Variants in MBD5 observed in about 807,000 individuals in gnomAD.
MBD5 encodes methyl-CpG-binding domain protein 5.
A neutral mutation model predicts 117.3 loss-of-function variants in MBD5; 13 were observed. That is an observed-to-expected ratio of 0.11 (90% confidence interval 0.07 to 0.18). MBD5 has a LOEUF of 0.18. Ranked by LOEUF, MBD5 falls within the 10% of genes least tolerant of loss-of-function variation. The pLI, the probability that MBD5 is intolerant of heterozygous loss-of-function variation, is 1.00. For missense variants in MBD5, 1,879 were observed against 2,093.8 expected, an observed-to-expected ratio of 0.90 and a Z score of 2.00; for synonymous variants, 727 against 766.4, an observed-to-expected ratio of 0.95 and a Z score of 0.85.
chr2:148,355,223 G>T (rs10196090), intron 4 of MBD5, among the ~76,000 whole-genome samples: 109,920 of 151,564 alleles, frequency 0.73, 40,639 homozygotes, highest in African/African-American at 0.89. Context: ...TTCTGTAGGT[G>T]GTCTGTTCAT....
chr2:148,458,643 A>T lies in MBD5; in HGVS notation c.-116A>T. The T allele has an allele frequency of 7.1e-6, 6 of 848,814 alleles. No homozygotes were observed. Among genetic ancestry groups the T allele is most frequent in the South Asian group, 4.2e-5 (3 of 71,996 alleles). The allele number at this position is 848,814 out of a possible 1,614,324, so 52.6% of individuals were successfully genotyped here. On this transcript the variant is annotated 5_prime_UTR_variant, in exon 5 of 14. Transcript: ENST00000642680. The stretch of plus-strand genomic sequence containing the variant: ...GCTGAAGCTTCCCAATGCGTTTTGT[A>T]CAGTCTGGGAAAAACTGTGCTGCAC...
intron 1 of MBD5, among the ~76,000 whole-genome samples, chr2:148,083,350 AG>A (rs1224988783): frequency 6.6e-6 from 1 of 152,196 alleles, no homozygotes; most frequent in African/African-American, 2.4e-5. Context: ...TTTTTGCGAA[AG>A]GATTGATTAC....
rs1446479503 is a variant in MBD5, at chr2:148,470,327, T to C, written c.2384T>C (p.Met795Thr). 1.2e-6 allele frequency: 2 copies of C among 1,613,974 alleles called. No homozygotes were observed. Among genetic ancestry groups the C allele is most frequent in the Non-Finnish European group, 1.7e-6 (2 of 1,179,908 alleles). The change falls in exon 8 of 14, where the codon ATG becomes ACG. Residue 795 changes from methionine to threonine, a missense_variant. By Grantham distance (81) the Met-to-Thr change is moderately conservative. This residue lies in a region of MBD5 where 1,666 missense variants were observed against 1,792.2 expected (regional missense o/e 0.93). Coordinates refer to ENST00000642680, the MANE Select transcript of MBD5 (RefSeq NM_001378120.1). ...ATTCAGGCTAGCGGGAACTGTGGGA[T>C]GCTCAGTCAGTCGGGCATGGCTTTA... is the stretch of plus-strand genomic sequence containing the variant. ...NQIQASGNCGMLSQSGMALGN... is the reference protein window; with the variant it reads ...NQIQASGNCGTLSQSGMALGN...
chr2:148,504,764 C>G (rs145253822), intron 12 of MBD5, among the ~76,000 whole-genome samples: 1 of 152,046 alleles, frequency 6.6e-6, no homozygotes, highest in Non-Finnish European at 1.5e-5. Context: ...GAAACAAAGA[C>G]GAAGATGGGG....
chr2:148,358,593 A>G (rs1432188912), intron 4 of MBD5, among the ~76,000 whole-genome samples: 1 of 149,088 alleles, frequency 6.7e-6, no homozygotes, highest in East Asian at 2.0e-4. Flanking sequence ...AGCCTGGGCA[A>G]CAGGTGAAAC....
intron 11 of MBD5, among the ~76,000 whole-genome samples, chr2:148,493,403 A>C (rs1681590555): frequency 6.6e-6 from 1 of 152,220 alleles, no homozygotes; most frequent in Admixed American, 6.5e-5. Flanking sequence ...CATATCATTT[A>C]TTATTTTCAG....
At chr2:148,289,324 T>C (rs1264406407) in intron 3 of MBD5, among the ~76,000 whole-genome samples, 1 of 152,200 alleles carries the variant, frequency 6.6e-6, no homozygotes, top group Admixed American at 6.5e-5. Flanking sequence ...TCTTTCAATA[T>C]AGGTTATGAG....
chr2:148,215,613 C>T (rs1699532979), intron 2 of MBD5, among the ~76,000 whole-genome samples: 2 of 151,950 alleles, frequency 1.3e-5, no homozygotes, highest in Non-Finnish European at 2.9e-5. Flanking sequence ...CCTGGAACTC[C>T]AGGCCTCAGG....
At chr2:148,213,621 T>C (rs1470947801) in intron 2 of MBD5, among the ~76,000 whole-genome samples, 2 of 152,210 alleles carry the variant, frequency 1.3e-5, no homozygotes, top group East Asian at 3.8e-4. Flanking sequence ...TTTTTATATT[T>C]TATTCTTTCT....
chr2:148,202,416 G>A (rs552068269), intron 2 of MBD5, among the ~76,000 whole-genome samples: 1 of 152,216 alleles, frequency 6.6e-6, no homozygotes, highest in Non-Finnish European at 1.5e-5. Context: ...GAATGGAACA[G>A]CAAATGTAAA....
rs114611333 is a variant in MBD5 at position 148,469,539 on chromosome 2, A to G, written c.1596A>G (p.Val532=). Residue 532 remains valine (V), a synonymous_variant, in exon 8 of 14, where the codon GTA becomes GTG. Coordinates refer to ENST00000642680, the MANE Select transcript of MBD5 (RefSeq NM_001378120.1). The part of the protein sequence containing the change: ...PNPLIAGISN[V]LNTPSSAAFP... ...CATTAATTGCTGGAATAAGTAATGT[A>G]CTAAATACCCCAAGCAGTGCAGCTT... is the stretch of plus-strand genomic sequence containing the variant. 9.9e-4 allele frequency: 1,605 copies of G among 1,613,816 alleles called. 11 individuals carry two copies. The African/African-American group carries it at 0.019, about 19-fold the overall frequency.
At chr2:148,239,550 T>A (rs1200720576) in intron 3 of MBD5, among the ~76,000 whole-genome samples, 1 of 152,194 alleles carries the variant, frequency 6.6e-6, no homozygotes, top group East Asian at 1.9e-4. Context: ...CCTTTTATTA[T>A]TATGGGTAAG....
chr2:148,288,403 A>AAAAAAAAAAAAAAAAAAAG (rs1559006614), intron 3 of MBD5, among the ~76,000 whole-genome samples: 1 of 139,502 alleles, frequency 7.2e-6, no homozygotes, highest in Non-Finnish European at 1.6e-5. Context: ...CCGTCTCAAA[A>AAAAAAAAAAAAAAAAAAAG]AAAAAAAAAA....
rs145999220 is a variant in MBD5, at chr2:148,314,605, T to C, written c.-679-27609T>C. ...TTTGGCCAGGCTGGTCTCTAACTCC[T>C]GGCCTCAGGTGATCCACCCTCCTCG... On this transcript the variant is annotated intron_variant, in intron 3 of 13. Transcript: ENST00000642680. 9.2e-4 allele frequency among the ~76,000 whole-genome samples: 140 copies of C among 152,200 alleles called. 1 individual carries two copies. Among genetic ancestry groups the C allele is most frequent in the African/African-American group, 3.2e-3 (132 of 41,526 alleles).
chr2:148,182,874 GCCATGTAATGGGCAC>G (rs1698561589), intron 2 of MBD5, among the ~76,000 whole-genome samples: 3 of 152,128 alleles, frequency 2.0e-5, no homozygotes, highest in African/African-American at 7.2e-5. Flanking sequence ...ATTCAACTGA[GCCATGTAATGGGCAC>G]CCCGCTTTTG....
At chr2:148,091,788 A>G (rs185514221) in intron 1 of MBD5, among the ~76,000 whole-genome samples, 1 of 152,312 alleles carries the variant, frequency 6.6e-6, no homozygotes, top group African/African-American at 2.4e-5. Context: ...CAAATGCAAC[A>G]AAAACAAAAA....
At position 148,384,997 on chromosome 2, in the gene MBD5, A is replaced by T. The variant is rs528184357; in HGVS notation, c.-557+42661A>T. Among the ~76,000 whole-genome samples the T allele has an allele frequency of 1.4e-4, 21 of 152,334 alleles. 1 individual carries two copies. The South Asian group carries it at 3.7e-3, about 27-fold the overall frequency. ...TAAAGGCTTACATGTTAGACCTAAA[A>T]CCATCAAAAACCCTAGAAGAAAACC... is the stretch of plus-strand genomic sequence containing the variant. On this transcript the variant is annotated intron_variant, in intron 4 of 13. Coordinates refer to ENST00000642680, the MANE Select transcript of MBD5 (RefSeq NM_001378120.1).
rs561730279 is a variant in MBD5, at chr2:148,133,015, TTA to T, written c.-924-45684_-924-45683del. Among the ~76,000 whole-genome samples, 1,121 of 152,308 alleles carry T rather than the reference TTA, an allele frequency of 7.4e-3. 15 individuals are homozygous for T. The highest frequency in any genetic ancestry group is 0.025 in the African/African-American group (1,053 of 41,572). On this transcript the variant is annotated intron_variant, in intron 1 of 13. Coordinates refer to ENST00000642680, the MANE Select transcript of MBD5 (RefSeq NM_001378120.1). ...ATACTAAAATACCTAAAAAGATTTT[TTA>T]CCTAAAAATAATTTGTGTAACAAAA... is the stretch of plus-strand genomic sequence containing the variant.
intron 3 of MBD5, among the ~76,000 whole-genome samples, chr2:148,333,209 G>A (rs1034050196): frequency 6.6e-6 from 1 of 151,850 alleles, no homozygotes; most frequent in Non-Finnish European, 1.5e-5. Flanking sequence ...TCCTGTTAAG[G>A]GCTTTCCTCA....
Sources: gnomAD v4.1 joint callset for allele counts (sites outside exome capture counted in the v4.1 genomes callset) on GRCh38, gnomAD v4.1.1 for gene constraint, gnomAD v4.1.1 regional missense constraint, MANE v1.5 for transcripts, NCBI Gene and HGNC (gene_info 2026-07-23, HGNC 2026-07-21) for gene names.